CDH8: variants seen among roughly 807,000 people sequenced by gnomAD.
The protein encoded by CDH8 is cadherin 8.
Under a neutral mutation model 68.1 loss-of-function variants are expected in CDH8, and 17 were observed. The observed-to-expected ratio is 0.25, with a 90% CI of 0.17 to 0.37. The LOEUF (loss-of-function observed/expected upper bound fraction) is 0.37. CDH8 is among the 10% of genes least tolerant of loss of function. CDH8 has a pLI of 1.00. For synonymous variants in CDH8, 372 were observed against 365.1 expected, an observed-to-expected ratio of 1.02 and a Z score of -0.21; for missense variants, 763 against 999.3, an observed-to-expected ratio of 0.76 and a Z score of 3.19.
At chr16:61,880,247 C>T (rs775739806) in intron 3 of CDH8, among the ~76,000 whole-genome samples, 4 of 152,116 alleles carry the variant, frequency 2.6e-5, no homozygotes, top group Admixed American at 2.0e-4. Flanking sequence ...TTTTAACCGA[C>T]CTGGAGTAAG....
At chr16:61,915,699 A>T (rs948762424) in intron 2 of CDH8, among the ~76,000 whole-genome samples, 5 of 152,206 alleles carry the variant, frequency 3.3e-5, no homozygotes, top group African/African-American at 4.8e-5. Flanking sequence ...AGTTTTCATC[A>T]CTGCGGCAGG....
intron 10 of CDH8, among the ~76,000 whole-genome samples, chr16:61,685,673 C>G (rs150291466): frequency 0.022 from 3,372 of 151,948 alleles, 68 homozygotes; most frequent in Non-Finnish European, 0.033. Flanking sequence ...TTAACATAGA[C>G]CAGGCACAGC....
intron 2 of CDH8, among the ~76,000 whole-genome samples, chr16:61,904,775 CAT>C (rs1370278939): frequency 6.6e-6 from 1 of 152,276 alleles, no homozygotes; most frequent in Non-Finnish European, 1.5e-5. Context: ...TCATGTGAAA[CAT>C]ATAAAACACA....
At chr16:62,006,728 C>T (rs1230900340) in intron 2 of CDH8, among the ~76,000 whole-genome samples, 1 of 152,128 alleles carries the variant, frequency 6.6e-6, no homozygotes, top group East Asian at 1.9e-4. Context: ...TGCATTTGCT[C>T]AAATATATTT....
intron 8 of CDH8, among the ~76,000 whole-genome samples, chr16:61,745,913 A>G (rs112896163): frequency 6.6e-6 from 1 of 152,088 alleles, no homozygotes; most frequent in African/African-American, 2.4e-5. Flanking sequence ...AAAATTTCAT[A>G]TAAAAGGTGT....
intron 8 of CDH8, among the ~76,000 whole-genome samples, chr16:61,788,475 A>G (rs1040442676): frequency 1.3e-5 from 2 of 152,102 alleles, no homozygotes; most frequent in African/African-American, 4.8e-5. Context: ...GCACAACTTC[A>G]AAGTCCTTTA....
intron 8 of CDH8, among the ~76,000 whole-genome samples, chr16:61,763,846 G>T (rs75135762): frequency 3.9e-5 from 6 of 151,980 alleles, no homozygotes; most frequent in Admixed American, 3.9e-4. Context: ...AGATCTTTAC[G>T]TGAAGTGATA....
At chr16:61,702,344 C>A (rs1964446864) in intron 10 of CDH8, among the ~76,000 whole-genome samples, 1 of 151,610 alleles carries the variant, frequency 6.6e-6, no homozygotes, top group South Asian at 2.1e-4. Context: ...TGCACTCCAG[C>A]CTGGGCGACA....
At chr16:61,927,260 A>G (rs1267469845) in intron 2 of CDH8, among the ~76,000 whole-genome samples, 1 of 152,186 alleles carries the variant, frequency 6.6e-6, no homozygotes, top group Non-Finnish European at 1.5e-5. Flanking sequence ...TGGGGTTTAC[A>G]TTAACTAGAA....
At chr16:61,773,706 T>C (rs1960837824) in intron 8 of CDH8, among the ~76,000 whole-genome samples, 1 of 152,062 alleles carries the variant, frequency 6.6e-6, no homozygotes, top group African/African-American at 2.4e-5. Context: ...TCAAAGGATA[T>C]TAGTTTCTTT....
chr16:61,998,554 C>G (rs1417394560), intron 2 of CDH8, among the ~76,000 whole-genome samples: 1 of 152,128 alleles, frequency 6.6e-6, no homozygotes, highest in Non-Finnish European at 1.5e-5. Context: ...CTGATATGGA[C>G]TTCAATGTAT....
chr16:62,000,985 T>C (rs949791131), intron 2 of CDH8, among the ~76,000 whole-genome samples: 1 of 152,212 alleles, frequency 6.6e-6, no homozygotes, highest in African/African-American at 2.4e-5. Context: ...TATCAACTCA[T>C]TTAAGGTATT....
chr16:61,929,043 G>T (rs982229589), intron 2 of CDH8, among the ~76,000 whole-genome samples: 1 of 152,050 alleles, frequency 6.6e-6, no homozygotes, highest in Non-Finnish European at 1.5e-5. Flanking sequence ...CGAGTAGCTG[G>T]GACTACAGGT....
At chr16:61,968,983 T>G (rs779664618) in intron 2 of CDH8, among the ~76,000 whole-genome samples, 4 of 152,244 alleles carry the variant, frequency 2.6e-5, no homozygotes, top group East Asian at 3.9e-4. Context: ...CAAAAGACCA[T>G]AGCAGAATGC....
At chr16:61,830,193 A>G (rs1370695367) in intron 4 of CDH8, among the ~76,000 whole-genome samples, 1 of 151,858 alleles carries the variant, frequency 6.6e-6, no homozygotes, top group Non-Finnish European at 1.5e-5. Context: ...GCATCCAATA[A>G]AACAAATTAA....
intron 1 of CDH8, among the ~76,000 whole-genome samples, chr16:62,024,151 A>G (rs1034416215): frequency 4.6e-5 from 7 of 152,098 alleles, no homozygotes; most frequent in Non-Finnish European, 1.0e-4. Context: ...CCTGGGTTCT[A>G]CAATAGCAGA....
At chr16:61,973,858 G>A (rs2150578559) in intron 2 of CDH8, among the ~76,000 whole-genome samples, 1 of 152,280 alleles carries the variant, frequency 6.6e-6, no homozygotes, top group South Asian at 2.1e-4. Flanking sequence ...AGAACTACAT[G>A]TAACCTCATG....
intron 2 of CDH8, among the ~76,000 whole-genome samples, chr16:61,983,508 C>T (rs910745546): frequency 3.3e-5 from 5 of 152,070 alleles, no homozygotes; most frequent in African/African-American, 1.2e-4. Context: ...TTCTGTCTTC[C>T]AAGATAATAC....
At chr16:61,964,500 C>T (rs912866895) in intron 2 of CDH8, among the ~76,000 whole-genome samples, 1 of 151,834 alleles carries the variant, frequency 6.6e-6, no homozygotes, top group South Asian at 2.1e-4. Flanking sequence ...ATGATGAGAA[C>T]GTGCAGGCTC....
Sources: gnomAD v4.1 joint callset for allele counts (sites outside exome capture counted in the v4.1 genomes callset) on GRCh38, gnomAD v4.1.1 for gene constraint, MANE v1.5 for transcripts, NCBI Gene and HGNC (gene_info 2026-07-23, HGNC 2026-07-21) for gene names.